DHODH: variants seen among roughly 807,000 people sequenced by gnomAD.
DHODH encodes the protein dihydroorotate dehydrogenase (quinone).
A neutral mutation model predicts 39.7 loss-of-function variants in DHODH; 30 were observed. The ratio of observed to expected loss-of-function variants is 0.76; its 90% confidence interval spans 0.57 to 1.02. DHODH has a LOEUF of 1.02. Among genes scored for constraint, DHODH ranks in the 50% least tolerant of loss-of-function variants. DHODH has a pLI of 0.00. For missense variants in DHODH, 531 were observed against 520.8 expected (o/e 1.02, Z -0.19); for synonymous variants, 222 against 213.8 (o/e 1.04, Z -0.34).
intron 3 of DHODH, chr16:72,016,035 G>A: frequency 4.0e-6 from 1 of 250,864 alleles, no homozygotes; most frequent in Non-Finnish European, 6.3e-6. Flanking sequence ...AGGGTTGGTT[G>A]AGCACCAGGG....
intron 1 of DHODH, among the ~76,000 whole-genome samples, chr16:72,009,677 C>T (rs1304049512): frequency 6.6e-6 from 1 of 151,664 alleles, no homozygotes; most frequent in East Asian, 2.0e-4. Context: ...TGCAGTGGCG[C>T]GATCTTGGCT....
Position 72,012,170 on chromosome 16 carries a change from C to T in DHODH, c.142C>T (p.Leu48=), listed in dbSNP as rs2041089959. The change falls in exon 2 of 9, where the codon CTG becomes TTG. Residue 48 remains leucine, a synonymous_variant. Transcript: ENST00000219240. The part of the protein sequence containing the change: ...AEHLMPTLQG[L]LDPESAHRLA... ...ACACCTGATGCCGACTCTGCAGGGG[C>T]TGCTGGACCCGGAGTCAGCCCACAG... 1 of 1,614,152 alleles carries T rather than the reference C, an allele frequency of 6.2e-7. No homozygotes were observed. The highest frequency in any genetic ancestry group is 8.5e-7 in the Non-Finnish European group (1 of 1,180,020).
At chr16:72,024,097 C>A in intron 8 of DHODH, 48 bp from the exon 9 acceptor site, 2 of 1,604,738 alleles carry the variant, frequency 1.2e-6, no homozygotes, top group Non-Finnish European at 1.7e-6. Context: ...AAGAGCAGGG[C>A]CTGTTCTCCA....
In DHODH at chr16:72,008,779, C is replaced by A. The variant is rs944548885; in HGVS notation, c.15C>A (p.His5Gln). 2 of 1,551,810 alleles carry A rather than the reference C, an allele frequency of 1.3e-6. No individual in the cohort carries two copies. Among genetic ancestry groups the A allele is most frequent in the Admixed American group, 3.9e-5 (2 of 50,996 alleles). Residue 5 changes from histidine (H) to glutamine (Q), a missense_variant, in exon 1 of 9, where the codon CAC (histidine) becomes CAA (glutamine). By Grantham distance (24) the His-to-Gln change is conservative. Coordinates refer to ENST00000219240, the MANE Select transcript of DHODH (RefSeq NM_001361.5). ...ACGGAAGGAGCATGGCGTGGAGACA[C>A]CTGAAAGTGAGTCCCGCGAGTGAGC... The part of the protein sequence containing the change: MAWR[H>Q]LKKRAQDAVI...
intron 1 of DHODH, 79 bp downstream of exon 1, chr16:72,008,864 G>T: frequency 1.3e-6 from 2 of 1,550,914 alleles, no homozygotes; most frequent in South Asian, 2.4e-5. Context: ...GCCGGGCGAG[G>T]CATGGACCGA....
At position 72,024,543 on chromosome 16, in the gene DHODH, T is replaced by TG; in HGVS notation, c.*345dup. On this transcript the variant is annotated 3_prime_UTR_variant, in exon 9 of 9. Coordinates refer to ENST00000219240, the MANE Select transcript of DHODH (RefSeq NM_001361.5). ...GCCCTTTCTGGTTTGCCATAGGCCC[T>TG]GCCAAGATACTGCAGGTCCATCCAG... 1 of 386,200 alleles carries TG rather than the reference T, an allele frequency of 2.6e-6. No individual in the cohort carries two copies. The highest frequency in any genetic ancestry group is 4.9e-6 in the Non-Finnish European group (1 of 204,102). 23.9% of individuals were successfully genotyped at this position (386,200 alleles called of 1,614,324 possible). A position where few individuals can be genotyped will look rare whatever the true frequency, so the allele number is the denominator to read the frequency against.
At chr16:72,017,550 C>G (rs1046549927) in intron 4 of DHODH, among the ~76,000 whole-genome samples, 2 of 152,138 alleles carry the variant, frequency 1.3e-5, no homozygotes, top group Non-Finnish European at 2.9e-5. Context: ...GTTCAAGAAA[C>G]AGATACTCCT....
intron 4 of DHODH, chr16:72,020,360 TATATATATATA>T: frequency 6.7e-5 from 5 of 74,154 alleles, no homozygotes; most frequent in African/African-American, 2.0e-4. Flanking sequence ...TATATGTGTA[TATATATATATA>T]TTTTTTTTTT....
chr16:72,021,003 C>A (rs764503704), intron 4 of DHODH, 121 bp from the exon 5 acceptor site: 4 of 1,009,342 alleles, frequency 4.0e-6, no homozygotes, highest in Middle Eastern at 2.7e-4. Flanking sequence ...CGGTGTCGGG[C>A]AGGTCAGGTT....
chr16:72,013,254 A>G (rs1408749217), intron 2 of DHODH, among the ~76,000 whole-genome samples: 2 of 152,224 alleles, frequency 1.3e-5, no homozygotes, highest in African/African-American at 4.8e-5. Flanking sequence ...AGGCTCAGAA[A>G]GAGCACTCCG....
intron 3 of DHODH, 76 bp downstream of exon 3, chr16:72,014,748 C>CT: frequency 6.9e-7 from 1 of 1,439,582 alleles, no homozygotes; most frequent in Non-Finnish European, 9.7e-7. Context: ...AGATCTGCCT[C>CT]TGTTTTTTTT....
intron 4 of DHODH, among the ~76,000 whole-genome samples, chr16:72,020,045 A>AGGTG (rs1328911610): frequency 3.9e-5 from 6 of 151,966 alleles, no homozygotes; most frequent in African/African-American, 1.5e-4. Flanking sequence ...TGGGAGGCTG[A>AGGTG]GGTGGGCAGA....
intron 1 of DHODH, among the ~76,000 whole-genome samples, chr16:72,011,687 T>C (rs1176883995): frequency 6.6e-6 from 1 of 152,250 alleles, no homozygotes; most frequent in Non-Finnish European, 1.5e-5. Context: ...GGGCAGTTCA[T>C]GTCAGATAGT....
rs949751364 is a variant in DHODH, at chr16:72,026,957, A to C, written c.*2758A>C. ...AGGTGCCCACTACCACACCCAGCTA[A>C]TTTGTGTGTGTGTGTGTGTGTGTGT... On this transcript the variant is annotated 3_prime_UTR_variant, in exon 9 of 9. Coordinates refer to ENST00000219240, the MANE Select transcript of DHODH (RefSeq NM_001361.5). 8 of 106,578 alleles carry C rather than the reference A, an allele frequency of 7.5e-5. No individual in the cohort carries two copies. Among genetic ancestry groups the C allele is most frequent in the African/African-American group, 2.6e-4 (7 of 26,728 alleles). The allele number at this position is 106,578 out of a possible 1,614,324, so 6.6% of individuals were successfully genotyped here. A position where few individuals can be genotyped will look rare whatever the true frequency, so the allele number is the denominator to read the frequency against.
At chr16:72,017,953 T>G (rs2041161470) in intron 4 of DHODH, among the ~76,000 whole-genome samples, 1 of 152,152 alleles carries the variant, frequency 6.6e-6, no homozygotes, top group East Asian at 1.9e-4. Context: ...TTTTTGTATT[T>G]TTAGTAGAGA....
chr16:72,014,397 G>C (rs2041116623), intron 2 of DHODH, 76 bp from the exon 3 acceptor site: 22 of 1,408,504 alleles, frequency 1.6e-5, no homozygotes, highest in Non-Finnish European at 2.2e-5. Context: ...TTCTGATGTA[G>C]CTGTGCCAGG....
Position 72,024,179 on chromosome 16 carries a change from G to A in DHODH, c.1168G>A (p.Gly390Arg), listed in dbSNP as rs978927723. 3 of 1,614,226 alleles carry A rather than the reference G, an allele frequency of 1.9e-6. No individual in the cohort carries two copies. The highest frequency in any genetic ancestry group is 1.7e-6 in the Non-Finnish European group (2 of 1,180,050). Residue 390 changes from glycine (G) to arginine (R), a missense_variant, in exon 9 of 9, where the codon GGA (glycine) becomes AGA (arginine). By Grantham distance (125) the Gly-to-Arg change is moderately radical. Coordinates refer to ENST00000219240, the MANE Select transcript of DHODH (RefSeq NM_001361.5). ...CTTTGGCGGAGTCACAGATGCCATT[G>A]GAGCAGATCATCGGAGGTGAGGACA... ...QGFGGVTDAI[G>R]ADHRR
At chr16:72,009,139 C>T (rs1183782090) in intron 1 of DHODH, 1 of 1,190,170 alleles carries the variant, frequency 8.4e-7, no homozygotes, top group East Asian at 4.4e-5. Flanking sequence ...ATGCTCCCAA[C>T]CCTTTTAGGT....
At position 72,027,394 on chromosome 16, in the gene DHODH, G is replaced by T. The variant is rs1406538977; in HGVS notation, c.*3195G>T. The T allele has an allele frequency of 6.6e-6, 1 of 152,218 alleles. No homozygotes were observed. The highest frequency in any genetic ancestry group is 2.1e-4 in the South Asian group (1 of 4,828). The allele number at this position is 152,218 out of a possible 1,614,324, so 9.4% of individuals were successfully genotyped here. Reference sequence around the variant, plus strand: ...AATCCACCCACCTTGGCCTCCCAAAGAGCTGAGATTACAGGTGTGAGCCAC... The same window carrying T: ...AATCCACCCACCTTGGCCTCCCAAATAGCTGAGATTACAGGTGTGAGCCAC... On this transcript the variant is annotated 3_prime_UTR_variant, in exon 9 of 9. Coordinates refer to ENST00000219240, the MANE Select transcript of DHODH (RefSeq NM_001361.5).
Sources: gnomAD v4.1 joint callset for allele counts (sites outside exome capture counted in the v4.1 genomes callset) on GRCh38, gnomAD v4.1.1 for gene constraint, MANE v1.5 for transcripts, NCBI Gene and HGNC (gene_info 2026-07-23, HGNC 2026-07-21) for gene names.